Variants in DDX5 observed in about 807,000 individuals in gnomAD.
The protein encoded by DDX5 is DEAD-box helicase 5, also known as probable ATP-dependent RNA helicase DDX5.
DDX5 carries 6 observed loss-of-function variants against 68.6 expected under a neutral mutation model. The ratio of observed to expected loss-of-function variants is 0.09; its 90% CI spans 0.05 to 0.17. The LOEUF is 0.17. DDX5 is among the 10% of genes least tolerant of loss of function. DDX5 has a pLI of 1.00. For missense variants in DDX5, 499 were observed against 756.1 expected (o/e 0.66, Z 3.99); for synonymous variants, 350 against 247.0 (o/e 1.42, Z -3.91).
At chr17:64,506,020 A>AGGGCCCCCCCCCCC in intron 1 of DDX5, 56 bp downstream of exon 1, 1 of 868,060 alleles carries the variant, frequency 1.2e-6, no homozygotes, top group Non-Finnish European at 1.7e-6. Context: ...CGCCACCCTG[A>AGGGCCCCCCCCCCC]CCCGCCCTCC....
At chr17:64,501,779 C>T (rs1363185266) in intron 11 of DDX5, 8 of 580,972 alleles carry the variant, frequency 1.4e-5, no homozygotes, top group East Asian at 1.1e-4. Context: ...TACTGGCACA[C>T]GTTCAGCTTT....
chr17:64,502,343 T>A, intron 9 of DDX5, 96 bp downstream of exon 9: 1 of 1,451,648 alleles, frequency 6.9e-7, no homozygotes, highest in Non-Finnish European at 9.6e-7. Flanking sequence ...TTAAATTCAC[T>A]ATCAGATATG....
In DDX5 at chr17:64,503,746, T is replaced by C. The variant is rs373418527; in HGVS notation, c.507+57A>G. 136 of 1,568,620 alleles carry C rather than the reference T, an allele frequency of 8.7e-5. 1 individual carries two copies. The highest frequency in any genetic ancestry group is 1.0e-4 in the Non-Finnish European group (119 of 1,148,630). ...CCACAAATGATTACATCTTTAGCTATGTAGTCTAAAATCTACACATTATGC... is the reference window on the plus strand; with the variant it reads ...CCACAAATGATTACATCTTTAGCTACGTAGTCTAAAATCTACACATTATGC... On this transcript the variant is annotated intron_variant, in intron 5 of 12. Transcript: ENST00000225792.
Position 64,500,647 on chromosome 17 carries a change from T to G in DDX5, c.1343A>C (p.Asn448Thr), listed in dbSNP as rs1411017878. The G allele has an allele frequency of 1.9e-6, 3 of 1,614,196 alleles. No individual in the cohort carries two copies. Among genetic ancestry groups the G allele is most frequent in the Non-Finnish European group, 2.5e-6 (3 of 1,180,020 alleles). ...AAGGTCGCTCACTTGCTTTATGTTA[T>G]TAGGTGTAAAGAAAGTGTATGCTGT... ...TGTAYTFFTPNNIKQVSDLIS... is the reference protein window; with the variant it reads ...TGTAYTFFTPTNIKQVSDLIS... The change falls in exon 12 of 13, where the codon AAT becomes ACT. Residue 448 changes from asparagine (N) to threonine (T), a missense_variant. Asn to Thr is a moderately conservative substitution (Grantham distance 65, BLOSUM62 0). Coordinates refer to ENST00000225792, the MANE Select transcript of DDX5 (RefSeq NM_004396.5).
intron 1 of DDX5, 56 bp downstream of exon 1, chr17:64,506,019 GA>G: frequency 5.8e-5 from 79 of 1,359,780 alleles, no homozygotes; most frequent in Middle Eastern, 2.5e-4. Context: ...CCGCCACCCT[GA>G]CCCGCCCTCC....
rs531991085 is a variant in DDX5 at position 64,506,205 on chromosome 17, G to A, written c.-86C>T. 3.7e-5 allele frequency: 58 copies of A among 1,566,950 alleles called. No individual in the cohort carries two copies. In the African/African-American group the frequency reaches 6.9e-4, roughly 19 times the overall value. On this transcript the variant is annotated 5_prime_UTR_variant, in exon 1 of 13. Transcript: ENST00000225792. ...TGGAAATGGCCTCGATGACGGCGAA[G>A]CCTTGCGGGGGCGGCAGCGGAGGAA...
intron 1 of DDX5, 48 bp downstream of exon 1, chr17:64,506,028 T>TC: frequency 6.3e-6 from 4 of 632,798 alleles, no homozygotes; most frequent in East Asian, 6.1e-5. Context: ...TGACCCGCCC[T>TC]CCCATCCCCC....
intron 1 of DDX5, chr17:64,505,338 T>C (rs1231997142): frequency 1.5e-5 from 6 of 398,412 alleles, no homozygotes; most frequent in African/African-American, 6.1e-5. Flanking sequence ...GAAACACTTC[T>C]GCTAGCAAAC....
chr17:64,500,211 A>T lies in DDX5; in HGVS notation c.1557T>A (p.Ser519=). 6.2e-7 allele frequency: 1 copy of T among 1,614,200 alleles called. No individual in the cohort carries two copies. Among genetic ancestry groups the T allele is most frequent in the Non-Finnish European group, 8.5e-7 (1 of 1,180,036 alleles). Residue 519 remains serine (S), a synonymous_variant, in exon 13 of 13, where the codon TCT becomes TCA. Transcript: ENST00000225792. ...CCCCAAAATCTCTTTTAAGCAGGCT[A>T]GAGTAACCTCTGTCATAATTTTCCC... ...RDRENYDRGY[S]SLLKRDFGAK...
At chr17:64,506,810 C>G (rs1239820445), upstream of DDX5, 4 of 573,372 alleles carry the variant, frequency 7.0e-6, no homozygotes, top group African/African-American at 5.6e-5. Context: ...TGATGTGGAC[C>G]GTCCGACCCG....
upstream of DDX5, chr17:64,506,299 T>C (rs1453660132): frequency 1.6e-5 from 24 of 1,517,232 alleles, no homozygotes; most frequent in Non-Finnish European, 2.0e-5. Context: ...TGCCGGCCGC[T>C]TTCCGGCAGC....
At chr17:64,504,634 A>G (rs1555671765) in intron 2 of DDX5, 43 bp downstream of exon 2, 2 of 1,555,694 alleles carry the variant, frequency 1.3e-6, no homozygotes, top group African/African-American at 2.8e-5. Flanking sequence ...ACTAGAATCC[A>G]CGATCGAGTT....
chr17:64,506,044 G>A, intron 1 of DDX5, 32 bp downstream of exon 1: 3 of 334,988 alleles, frequency 9.0e-6, no homozygotes, highest in South Asian at 3.3e-5. Context: ...CCCCCCACCC[G>A]CCAGGCCTGA....
intron 1 of DDX5, 188 bp from the exon 2 acceptor site, chr17:64,505,030 G>A (rs2038402199): frequency 9.4e-6 from 5 of 530,434 alleles, no homozygotes; most frequent in South Asian, 6.3e-5. Context: ...GTAGTCCCAA[G>A]TACACATTAC....
Position 64,504,016 on chromosome 17 carries a change from T to C in DDX5, c.408A>G (p.Gly136=), listed in dbSNP as rs2038362994. 6.2e-7 allele frequency: 1 copy of C among 1,614,088 alleles called. No homozygotes were observed. Among genetic ancestry groups the C allele is most frequent in the Non-Finnish European group, 8.5e-7 (1 of 1,180,046 alleles). The change falls in exon 4 of 13, where the codon GGA becomes GGG. Residue 136 remains glycine, a synonymous_variant. Coordinates refer to ENST00000225792, the MANE Select transcript of DDX5 (RefSeq NM_004396.5). ...TTTTCCCAGATCCAGTCTGTGCCACTCCAACCATATCCAATCCACTTAGAG... is the reference window on the plus strand; with the variant it reads ...TTTTCCCAGATCCAGTCTGTGCCACCCCAACCATATCCAATCCACTTAGAG... ...PVALSGLDMV[G]VAQTGSGKTL... is the part of the protein sequence containing the mutation.
Position 64,503,866 on chromosome 17 carries a change from A to G in DDX5, c.444T>C (p.Tyr148=), listed in dbSNP as rs1555671567. 2 of 1,614,218 alleles carry G rather than the reference A, an allele frequency of 1.2e-6. No individual in the cohort carries two copies. The highest frequency in any genetic ancestry group is 4.5e-5 in the East Asian group (2 of 44,886). ...TGATGTGGACAATGGCAGGAAGCAA[A>G]TACTATTTAGGGTGAAAGTGGGGAC... ...AQTGSGKTLS[Y]LLPAIVHINH... is the part of the protein sequence containing the mutation. The change falls in exon 5 of 13, where the codon TAT becomes TAC. Residue 148 remains tyrosine, a splice_region_variant and synonymous_variant. Coordinates refer to ENST00000225792, the MANE Select transcript of DDX5 (RefSeq NM_004396.5).
At chr17:64,500,391 G>GA in intron 12 of DDX5, 65 bp from the exon 13 acceptor site, 2 of 1,553,104 alleles carry the variant, frequency 1.3e-6, no homozygotes, top group Non-Finnish European at 1.7e-6. Context: ...TGGACAGAAA[G>GA]AAACAGATCT....
At chr17:64,500,414 C>A in intron 12 of DDX5, 88 bp from the exon 13 acceptor site, 1 of 1,535,488 alleles carries the variant, frequency 6.5e-7, no homozygotes, top group Non-Finnish European at 8.8e-7. Context: ...TCATGGTAGG[C>A]GTGAAATGTT....
chr17:64,504,591 G>C (rs1454437885), intron 2 of DDX5, 86 bp downstream of exon 2: 3 of 1,456,672 alleles, frequency 2.1e-6, no homozygotes, highest in Admixed American at 2.3e-5. Flanking sequence ...CCAAAATTGA[G>C]TTATTTGCAA....
Sources: gnomAD v4.1 joint callset for allele counts on GRCh38, gnomAD v4.1.1 for gene constraint, MANE v1.5 for transcripts, NCBI Gene and HGNC (gene_info 2026-07-23, HGNC 2026-07-21) for gene names.